The following RGS7 variants were observed in gnomAD, a reference collection of about 807,000 sequenced individuals.
The protein encoded by RGS7 is regulator of G protein signaling 7, also known as regulator of G-protein signaling 7.
RGS7 carries 27 observed loss-of-function variants against 81.1 expected under a neutral mutation model. That is an observed-to-expected ratio of 0.33 (90% CI 0.25 to 0.46). The LOEUF (loss-of-function observed/expected upper bound fraction) is 0.46, where lower values mean the gene tolerates loss of function less well. RGS7 is among the 20% of genes least tolerant of loss of function. The probability of loss-of-function intolerance (pLI) is 1.00; values close to 1 mark genes in which losing one functional copy is unlikely to be tolerated. For synonymous variants in RGS7, 208 were observed against 207.7 expected (o/e 1.00, Z -0.01); for missense variants, 396 against 607.4 (o/e 0.65, Z 3.66).
intron 9 of RGS7, among the ~76,000 whole-genome samples, chr1:240,851,227 T>A (rs1300082163): frequency 6.6e-6 from 1 of 152,212 alleles, no homozygotes; most frequent in East Asian, 1.9e-4. Context: ...GAGGCTAATG[T>A]TCATTGATCA....
At chr1:241,221,200 AAG>A (rs1165787340) in intron 2 of RGS7, among the ~76,000 whole-genome samples, 1 of 152,110 alleles carries the variant, frequency 6.6e-6, no homozygotes, top group Non-Finnish European at 1.5e-5. Context: ...AAGAAAGAGA[AAG>A]AAAGAAAAAG....
At chr1:241,272,371 C>T (rs10926449) in intron 2 of RGS7, among the ~76,000 whole-genome samples, 4 of 151,924 alleles carry the variant, frequency 2.6e-5, no homozygotes, top group Admixed American at 2.6e-4. Flanking sequence ...AAATTATTTC[C>T]TACAGCTTCC....
chr1:241,335,433 A>G (rs1251212192), intron 2 of RGS7, among the ~76,000 whole-genome samples: 1 of 152,228 alleles, frequency 6.6e-6, no homozygotes, highest in Non-Finnish European at 1.5e-5. Context: ...AACAAGTTCC[A>G]CAGCAAACTG....
rs1264068906 is a variant in RGS7, at chr1:241,164,548, TCAAAGAC to T, written c.79-65793_79-65787del. Among the ~76,000 whole-genome samples the T allele has an allele frequency of 1.3e-5, 2 of 152,148 alleles. No homozygotes were observed. The highest frequency in any genetic ancestry group is 2.9e-5 in the Non-Finnish European group (2 of 68,026). On this transcript the variant is annotated intron_variant, in intron 2 of 18. Transcript: ENST00000440928. This position sits in a 1 kb window ranked among gnomAD's most constrained non-coding sequence, Gnocchi z 4.1. ...AGGAGTTGTATGTTAGGAAATGGGA[TCAAAGAC>T]CAAATATATATTCTACAATATCACA...
intron 4 of RGS7, among the ~76,000 whole-genome samples, chr1:240,941,870 G>A (rs1370364090): frequency 6.7e-6 from 1 of 150,218 alleles, no homozygotes; most frequent in Non-Finnish European, 1.5e-5. Context: ...CCCAATAACG[G>A]CACACCAGAT....
In RGS7 at chr1:240,776,104, T is replaced by C. The variant is rs1245300625; in HGVS notation, c.*116A>G. 3 of 1,272,184 alleles carry C rather than the reference T, an allele frequency of 2.4e-6. No individual in the cohort carries two copies. The highest frequency in any genetic ancestry group is 3.5e-6 in the Non-Finnish European group (3 of 868,156). 78.8% of individuals were successfully genotyped at this position (1,272,184 alleles called of 1,614,324 possible). A position where few individuals can be genotyped will look rare whatever the true frequency, so the allele number is the denominator to read the frequency against. ...ATGTCCTCTGCTCCAGGTCACAACA[T>C]TGAGCTACAAAGTGTGTGCAGTGAC... On this transcript the variant is annotated 3_prime_UTR_variant, in exon 19 of 19. Coordinates refer to ENST00000440928, the MANE Select transcript of RGS7 (RefSeq NM_001364886.1).
At position 241,355,821 on chromosome 1, in the gene RGS7, T is replaced by C. The variant is rs997253389; in HGVS notation, c.-45A>G. 2.0e-6 allele frequency: 3 copies of C among 1,537,362 alleles called. No homozygotes were observed. In the African/African-American group the frequency reaches 4.1e-5, roughly 21 times the overall value. On this transcript the variant is annotated 5_prime_UTR_variant, in exon 2 of 19. Transcript: ENST00000440928. ...ACTCTCAAGATACAAGAATTATCAG[T>C]GTGCCCTGCAAAGGGTCAGAGAGAC...
At chr1:241,295,478 T>C (rs7533289) in intron 2 of RGS7, among the ~76,000 whole-genome samples, 83,077 of 151,150 alleles carry the variant, frequency 0.55, 23,520 homozygotes, top group East Asian at 0.79. Context: ...AAAAAAGATA[T>C]GTTTACAAAT....
intron 4 of RGS7, among the ~76,000 whole-genome samples, chr1:240,942,916 G>T (rs1274377592): frequency 6.6e-6 from 1 of 152,050 alleles, no homozygotes; most frequent in Non-Finnish European, 1.5e-5. Flanking sequence ...AGTAAAAATG[G>T]ACTATTACCA....
At chr1:240,994,123 C>T (rs1686926306) in intron 3 of RGS7, among the ~76,000 whole-genome samples, 1 of 152,120 alleles carries the variant, frequency 6.6e-6, no homozygotes, top group African/African-American at 2.4e-5. Flanking sequence ...AAATAAATTC[C>T]TCCCACATTA....
intron 16 of RGS7, among the ~76,000 whole-genome samples, chr1:240,802,040 T>A (rs1688106713): frequency 6.6e-6 from 1 of 152,160 alleles, no homozygotes; most frequent in Non-Finnish European, 1.5e-5. Context: ...TTAACTAATA[T>A]TTAAACAGTC....
chr1:240,950,567 A>G (rs944572639), intron 4 of RGS7, among the ~76,000 whole-genome samples: 3 of 152,210 alleles, frequency 2.0e-5, no homozygotes, highest in Non-Finnish European at 4.4e-5. Flanking sequence ...TCTGGAGAAC[A>G]CTTGCAAAGG....
At position 241,090,890 on chromosome 1, in the gene RGS7, G is replaced by A. The variant is rs1286226256; in HGVS notation, c.175+7776C>T. 2.6e-5 allele frequency among the ~76,000 whole-genome samples: 4 copies of A among 152,176 alleles called. No homozygotes were observed. The South Asian group carries it at 6.2e-4, about 24-fold the overall frequency. ...GGAGCATGTTGGGAGATGAATGTAA[G>A]AGTCCCAGGTACCCAGAATCCTACC... On this transcript the variant is annotated intron_variant, in intron 3 of 18. Coordinates refer to ENST00000440928, the MANE Select transcript of RGS7 (RefSeq NM_001364886.1).
At chr1:240,782,780 C>A (rs906361479) in intron 18 of RGS7, among the ~76,000 whole-genome samples, 4 of 152,102 alleles carry the variant, frequency 2.6e-5, no homozygotes, top group African/African-American at 9.7e-5. Context: ...ATGAAAAGGG[C>A]TAACAAACCC....
chr1:241,298,520 G>T (rs547009172), intron 2 of RGS7, among the ~76,000 whole-genome samples: 1 of 152,044 alleles, frequency 6.6e-6, no homozygotes, highest in Admixed American at 6.5e-5. Flanking sequence ...ACTAAATCAC[G>T]CCTTCTGACA....
intron 2 of RGS7, among the ~76,000 whole-genome samples, chr1:241,256,717 C>T (rs1046758731): frequency 9.9e-5 from 15 of 152,026 alleles, no homozygotes; most frequent in Non-Finnish European, 1.6e-4. Context: ...AGAACAAGGT[C>T]TTGTGTCTCT....
At chr1:241,066,623 G>A (rs1306096688) in intron 3 of RGS7, among the ~76,000 whole-genome samples, 1 of 151,854 alleles carries the variant, frequency 6.6e-6, no homozygotes. Context: ...CTCTTTAGAT[G>A]AGCCCAACTA....
At chr1:241,222,724 A>G (rs2075082700) in intron 2 of RGS7, among the ~76,000 whole-genome samples, 1 of 152,206 alleles carries the variant, frequency 6.6e-6, no homozygotes, top group Admixed American at 6.5e-5. Flanking sequence ...TAACTTGCTC[A>G]AAGTCACACA....
intron 3 of RGS7, among the ~76,000 whole-genome samples, chr1:241,089,021 A>ATATCTCTCTCTCTCTCTCTCTC (rs1491299995): frequency 4.2e-5 from 1 of 23,652 alleles, no homozygotes; most frequent in African/African-American, 2.7e-4. Flanking sequence ...GCAAGACTCC[A>ATATCTCTCTCTCTCTCTCTCTC]TCTCTCTCTC....
Sources: allele counts gnomAD v4.1 joint callset (sites outside exome capture counted in the v4.1 genomes callset), GRCh38; gene constraint gnomAD v4.1.1; non-coding constraint Gnocchi (gnomAD v3.1); transcripts MANE v1.5; gene names NCBI Gene and HGNC (gene_info 2026-07-23, HGNC 2026-07-21).